Variants in SPACA3 observed in about 807,000 individuals in gnomAD.
The protein encoded by SPACA3 is sperm acrosome associated 3.
SPACA3 carries 21 observed loss-of-function variants against 24.5 expected under a neutral mutation model. That is an observed-to-expected ratio of 0.86 (90% CI 0.61 to 1.24). The LOEUF is 1.24. SPACA3 is among the 50% of genes most tolerant of loss of function. The pLI, the probability that SPACA3 is intolerant of heterozygous loss-of-function variation, is 0.00. For synonymous variants in SPACA3, 115 were observed against 106.9 expected (o/e 1.08, Z -0.47); for missense variants, 278 against 275.5 (o/e 1.01, Z -0.06).
chr17:32,996,721 C>T (rs2091724537), intron 2 of SPACA3, 122 bp from the exon 3 acceptor site: 1 of 1,155,852 alleles, frequency 8.7e-7, no homozygotes, highest in East Asian at 3.0e-5. Context: ...GGCACCTGCC[C>T]CAATCACCTT....
chr17:32,995,660 G>T lies in SPACA3; in HGVS notation c.286G>T (p.Ala96Ser), dbSNP rs756949250. ...EAKLYGRCEL[A>S]RVLHDFGLDG... ...CAAGCTCTACGGTCGTTGTGAACTG[G>T]CCAGAGTGCTACATGACTTCGGGCT... Residue 96 changes from alanine (A) to serine (S), a missense_variant, in exon 2 of 5, where the codon GCC becomes TCC. Physicochemically the swap from Ala to Ser is moderately conservative, Grantham distance 99 (BLOSUM62 1). Coordinates refer to ENST00000269053, the MANE Select transcript of SPACA3 (RefSeq NM_173847.5). The T allele has an allele frequency of 3.1e-6, 5 of 1,614,204 alleles. No homozygotes were observed. The highest frequency in any genetic ancestry group is 1.7e-5 in the Admixed American group (1 of 60,028).
At chr17:32,992,758 T>C (rs2091697224) in intron 1 of SPACA3, 2 of 401,000 alleles carry the variant, frequency 5.0e-6, no homozygotes, top group Non-Finnish European at 1.0e-5. Flanking sequence ...GCAAGGTCAT[T>C]GTGAGAGAAC....
At chr17:32,992,330 A>C (rs976331649) in intron 1 of SPACA3, among the ~76,000 whole-genome samples, 1 of 152,132 alleles carries the variant, frequency 6.6e-6, no homozygotes, top group Non-Finnish European at 1.5e-5. Context: ...AGCTCTGGGA[A>C]AGGCCTGGCA....
chr17:32,995,936 TC>T (rs1176404742), intron 2 of SPACA3, among the ~76,000 whole-genome samples: 2 of 152,034 alleles, frequency 1.3e-5, no homozygotes, highest in Non-Finnish European at 2.9e-5. Context: ...CCCCTTCATT[TC>T]CCCCTGCTGC....
chr17:32,993,117 G>A, intron 1 of SPACA3: 1 of 367,862 alleles, frequency 2.7e-6, no homozygotes, highest in Non-Finnish European at 5.6e-6. Context: ...AGTGAAGAAT[G>A]ACATTCATAT....
chr17:32,995,269 G>C, intron 1 of SPACA3, 140 bp from the exon 2 acceptor site: 1 of 731,256 alleles, frequency 1.4e-6, no homozygotes, highest in Non-Finnish European at 2.2e-6. Flanking sequence ...TCTCTGGCCT[G>C]GGTGGTGTGA....
chr17:32,991,929 C>T lies in SPACA3; in HGVS notation c.-10C>T. On this transcript the variant is annotated 5_prime_UTR_variant, in exon 1 of 5. Transcript: ENST00000269053. The stretch of plus-strand genomic sequence containing the variant: ...GGTTTTGAGCCACTGCTGCTGCTGC[C>T]ATTGTCACCATGGTCTCAGCTCTGC... 1.2e-6 allele frequency: 2 copies of T among 1,607,032 alleles called. No individual in the cohort carries two copies.
intron 1 of SPACA3, among the ~76,000 whole-genome samples, chr17:32,994,194 C>T (rs563497921): frequency 2.0e-5 from 3 of 152,238 alleles, no homozygotes; most frequent in South Asian, 2.1e-4. Flanking sequence ...CAGAGACAAG[C>T]GCGAGTACCA....
rs114299873 is a variant in SPACA3 at position 32,994,277 on chromosome 17, C to A, written c.35-1132C>A. Among the ~76,000 whole-genome samples, 1,440 of 152,158 alleles carry A rather than the reference C, an allele frequency of 9.5e-3. 22 individuals carry two copies. Among genetic ancestry groups the A allele is most frequent in the African/African-American group, 0.033 (1,375 of 41,448 alleles). On this transcript the variant is annotated intron_variant, in intron 1 of 4. Coordinates refer to ENST00000269053, the MANE Select transcript of SPACA3 (RefSeq NM_173847.5). ...TGCCAAGAGCTACGCTGTGCCCACGCCTTTTCTCATTTATTCTTCCAACAA... is the reference window on the plus strand; with the variant it reads ...TGCCAAGAGCTACGCTGTGCCCACGACTTTTCTCATTTATTCTTCCAACAA...
At chr17:32,992,581 A>G (rs1171782315) in intron 1 of SPACA3, among the ~76,000 whole-genome samples, 4 of 152,204 alleles carry the variant, frequency 2.6e-5, no homozygotes, top group Non-Finnish European at 5.9e-5. Context: ...ACTGACATCT[A>G]TTCCAGCCTC....
chr17:32,997,344 T>TAGAG lies in SPACA3; in HGVS notation c.503-87_503-84dup, dbSNP rs111922885. ...GTGTGTGTGTGTGTGTGTGTGTGTG[T>TAGAG]AGAGAGAGAGAGAGAGACAGACAGA... On this transcript the variant is annotated intron_variant, in intron 3 of 4. Transcript: ENST00000269053. 3.5e-3 allele frequency: 2,123 copies of TAGAG among 603,340 alleles called. 20 individuals carry two copies. The highest frequency in any genetic ancestry group is 8.6e-3 in the African/African-American group (393 of 45,900). 37.4% of individuals were successfully genotyped at this position (603,340 alleles called of 1,614,324 possible). A position where few individuals can be genotyped will look rare whatever the true frequency, so the allele number is the denominator to read the frequency against.
chr17:32,992,854 C>A (rs754180133), intron 1 of SPACA3: 37 of 469,438 alleles, frequency 7.9e-5, no homozygotes, highest in Non-Finnish European at 1.4e-4. Context: ...GCCGTGTGGA[C>A]CTCGAAGGGG....
In SPACA3 at chr17:32,995,409, G is replaced by C. The variant is rs34727343; in HGVS notation, c.35G>C (p.Arg12Thr). ...VSALRGAPLI[R>T]VHSSPVSSPS... ...CCTTCTCTCCTCTCCCCTTTCCCAG[G>C]GGTGCACTCAAGCCCTGTTTCTTCT... Residue 12 changes from arginine (R) to threonine (T), a missense_variant and splice_region_variant, in exon 2 of 5, where the codon AGG becomes ACG. Coordinates refer to ENST00000269053, the MANE Select transcript of SPACA3 (RefSeq NM_173847.5). 1 of 1,589,572 alleles carries C rather than the reference G, an allele frequency of 6.3e-7. No individual in the cohort carries two copies. Among genetic ancestry groups the C allele is most frequent in the South Asian group, 1.2e-5 (1 of 86,092 alleles).
Position 32,995,712 on chromosome 17 carries a change from C to G in SPACA3, c.338C>G (p.Ala113Gly), listed in dbSNP as rs2091718047. Residue 113 changes from alanine (A) to glycine (G), a missense_variant, in exon 2 of 5, where the codon GCT becomes GGT. By Grantham distance (60) the Ala-to-Gly change is moderately conservative. Transcript: ENST00000269053. ...GLDGYRGYSL[A>G]DWVCLAYFTS... ...GACGGATACCGGGGATACAGCCTGG[C>G]TGACTGTGAGAACCCCTCTCCCTGG... 1.2e-6 allele frequency: 2 copies of G among 1,611,510 alleles called. No individual in the cohort carries two copies. Among genetic ancestry groups the G allele is most frequent in the Non-Finnish European group, 1.7e-6 (2 of 1,177,854 alleles).
intron 1 of SPACA3, chr17:32,992,851 G>T: frequency 2.1e-6 from 1 of 469,746 alleles, no homozygotes; most frequent in Non-Finnish European, 4.4e-6. Flanking sequence ...AGGGCCGTGT[G>T]GACCTCGAAG....
intron 1 of SPACA3, among the ~76,000 whole-genome samples, chr17:32,992,200 A>AC (rs1480092933): frequency 1.3e-5 from 2 of 152,004 alleles, no homozygotes; most frequent in Admixed American, 1.3e-4. Flanking sequence ...AAAAAAAAAA[A>AC]AAAAAAAATC....
chr17:32,993,694 C>T (rs61237619), intron 1 of SPACA3, among the ~76,000 whole-genome samples: 26,859 of 151,472 alleles, frequency 0.18, 2,413 homozygotes, highest in East Asian at 0.25. Context: ...GAGAAAGTGG[C>T]GATTTTCCCC....
chr17:32,993,038 G>C (rs1389887777), intron 1 of SPACA3: 2 of 447,158 alleles, frequency 4.5e-6, no homozygotes, highest in South Asian at 3.3e-5. Flanking sequence ...TGCTCTCGGA[G>C]GGAAGGTGGA....
At chr17:32,993,534 C>G (rs570096280) in intron 1 of SPACA3, among the ~76,000 whole-genome samples, 18 of 152,274 alleles carry the variant, frequency 1.2e-4, no homozygotes, top group Admixed American at 5.2e-4. Flanking sequence ...GAGAGGCAAG[C>G]CTTTCAACAG....
Sources: gnomAD v4.1 joint callset for allele counts (sites outside exome capture counted in the v4.1 genomes callset) on GRCh38, gnomAD v4.1.1 for gene constraint, MANE v1.5 for transcripts, NCBI Gene and HGNC (gene_info 2026-07-23, HGNC 2026-07-21) for gene names.